Variants in CLIC5 observed in about 807,000 individuals in gnomAD.
CLIC5 encodes the protein CLIC family member 5.
Under a neutral mutation model 24.7 loss-of-function variants are expected in CLIC5, and 20 were observed. The ratio of observed to expected loss-of-function variants is 0.81; its 90% CI spans 0.57 to 1.18. CLIC5 has a LOEUF of 1.18. CLIC5 is among the 50% of genes most tolerant of loss of function. The pLI is 0.00. For missense variants in CLIC5, 341 were observed against 326.1 expected (o/e 1.05, Z -0.35); for synonymous variants, 159 against 135.6 (o/e 1.17, Z -1.20).
intron 3 of CLIC5, among the ~76,000 whole-genome samples, chr6:45,946,553 G>A (rs1296005252): frequency 6.6e-6 from 1 of 152,192 alleles, no homozygotes; most frequent in Non-Finnish European, 1.5e-5. Flanking sequence ...AGCGCTTGGT[G>A]AATGGTTATG....
At chr6:46,008,386 A>G (rs1766669243) in intron 1 of CLIC5, among the ~76,000 whole-genome samples, 1 of 152,088 alleles carries the variant, frequency 6.6e-6, no homozygotes, top group South Asian at 2.1e-4. Context: ...GTCCCACCCT[A>G]CCCAAAGCTG....
the CLIC5 span, among the ~76,000 whole-genome samples, chr6:46,101,886 C>A: frequency 2.6e-5 from 4 of 151,864 alleles, no homozygotes; most frequent in Admixed American, 6.6e-5. Context: ...CTAGAAATAA[C>A]CATTCCATAC....
chr6:45,914,461 C>G (rs766809165), intron 4 of CLIC5, 52 bp from the exon 5 acceptor site: 3 of 1,515,990 alleles, frequency 2.0e-6, no homozygotes, highest in Non-Finnish European at 2.7e-6. Flanking sequence ...CCAGTGGATA[C>G]AGTCATAGGG....
chr6:46,080,833 C>T (rs1479482668), upstream of CLIC5, among the ~76,000 whole-genome samples: 2 of 152,214 alleles, frequency 1.3e-5, no homozygotes, highest in East Asian at 3.8e-4. Context: ...GGAAACACCA[C>T]TAGGTGATTA....
At chr6:45,944,583 A>G (rs887796839) in intron 3 of CLIC5, among the ~76,000 whole-genome samples, 9 of 151,976 alleles carry the variant, frequency 5.9e-5, no homozygotes, top group Admixed American at 3.9e-4. Flanking sequence ...AATTTTTCAA[A>G]AGTAGAAAAT....
intron 1 of CLIC5, among the ~76,000 whole-genome samples, chr6:46,068,852 A>G (rs887231559): frequency 6.6e-6 from 1 of 152,162 alleles, no homozygotes; most frequent in Non-Finnish European, 1.5e-5. Flanking sequence ...CAACACCTTG[A>G]TCTTGCTCTT....
At chr6:46,000,637 C>G (rs1766319784) in intron 1 of CLIC5, among the ~76,000 whole-genome samples, 1 of 152,116 alleles carries the variant, frequency 6.6e-6, no homozygotes. Context: ...AGGAAACTTA[C>G]AATCATGGTA....
intron 4 of CLIC5, among the ~76,000 whole-genome samples, chr6:45,925,036 G>A (rs1763424773): frequency 6.6e-6 from 1 of 152,184 alleles, no homozygotes; most frequent in Non-Finnish European, 1.5e-5. Context: ...GCTCTAAGCA[G>A]CAGCTCAATT....
intron 1 of CLIC5, among the ~76,000 whole-genome samples, chr6:46,008,837 G>T (rs1202739501): frequency 6.6e-6 from 1 of 152,008 alleles, no homozygotes; most frequent in Non-Finnish European, 1.5e-5. Context: ...ATATTGCCTT[G>T]GCTACCTCCA....
At chr6:45,936,196 C>CTTTTT (rs60969238) in intron 4 of CLIC5, among the ~76,000 whole-genome samples, 62 of 80,268 alleles carry the variant, frequency 7.7e-4, no homozygotes, top group South Asian at 1.2e-3. Context: ...CAACGGCTGA[C>CTTTTT]TTTTTTTTTT....
At chr6:46,069,162 G>A (rs1278099901) in intron 1 of CLIC5, among the ~76,000 whole-genome samples, 2 of 152,148 alleles carry the variant, frequency 1.3e-5, no homozygotes, top group Non-Finnish European at 2.9e-5. Context: ...AAGACACAGG[G>A]TGAATGAGGA....
At chr6:45,996,182 G>A (rs957408129) in intron 1 of CLIC5, among the ~76,000 whole-genome samples, 5 of 151,140 alleles carry the variant, frequency 3.3e-5, no homozygotes, top group African/African-American at 1.2e-4. Context: ...TGCAAACCAC[G>A]GAACTCACTC....
In CLIC5 at chr6:45,943,018, T is replaced by C. The variant is rs566231500; in HGVS notation, c.300-1365A>G. The stretch of plus-strand genomic sequence containing the variant: ...TGGAAACAGTGAAAGGTAATTTGCA[T>C]TGAGCACCTACTGTGCAGCAGGCAG... On this transcript the variant is annotated intron_variant, in intron 3 of 5. Coordinates refer to ENST00000339561, the MANE Select transcript of CLIC5 (RefSeq NM_016929.5). Among the ~76,000 whole-genome samples the C allele has an allele frequency of 1.6e-4, 25 of 152,372 alleles. No homozygotes were observed. In the South Asian group the frequency reaches 5.0e-3, roughly 30 times the overall value.
chr6:45,985,963 C>T (rs879403233), intron 1 of CLIC5, among the ~76,000 whole-genome samples: 1 of 151,986 alleles, frequency 6.6e-6, no homozygotes, highest in Non-Finnish European at 1.5e-5. Flanking sequence ...AGGTCTTTCC[C>T]GTGCTAGTAA....
chr6:46,065,018 G>T (rs1322099936), intron 1 of CLIC5, among the ~76,000 whole-genome samples: 1 of 152,014 alleles, frequency 6.6e-6, no homozygotes, highest in African/African-American at 2.4e-5. Flanking sequence ...TAAACTATTT[G>T]CAAAACATGT....
the CLIC5 span, among the ~76,000 whole-genome samples, chr6:46,088,813 T>A: frequency 6.6e-6 from 1 of 152,206 alleles, no homozygotes; most frequent in Non-Finnish European, 1.5e-5. Flanking sequence ...GCCAAATGAC[T>A]TTTTAAAAGG....
chr6:46,103,380 T>G, the CLIC5 span, among the ~76,000 whole-genome samples: 1 of 152,208 alleles, frequency 6.6e-6, no homozygotes, highest in Non-Finnish European at 1.5e-5. Flanking sequence ...CTGCCTTTCG[T>G]AGGGGACATT....
intron 2 of CLIC5, among the ~76,000 whole-genome samples, chr6:45,953,118 C>T (rs996076534): frequency 1.3e-5 from 2 of 152,016 alleles, no homozygotes; most frequent in Non-Finnish European, 2.9e-5. Context: ...AAGCAGATGG[C>T]GTTTAGCCCC....
At chr6:45,986,168 T>C (rs1386878536) in intron 1 of CLIC5, among the ~76,000 whole-genome samples, 1 of 152,212 alleles carries the variant, frequency 6.6e-6, no homozygotes, top group African/African-American at 2.4e-5. Flanking sequence ...TGGGTATGTC[T>C]TTATTAGCAG....
Sources: gnomAD v4.1 joint callset for allele counts (sites outside exome capture counted in the v4.1 genomes callset) on GRCh38, gnomAD v4.1.1 for gene constraint, MANE v1.5 for transcripts, NCBI Gene and HGNC (gene_info 2026-07-23, HGNC 2026-07-21) for gene names.